The following MYO5B variants were observed in gnomAD, a reference collection of about 807,000 sequenced individuals.
The protein encoded by MYO5B is myosin VB.
MYO5B carries 143 observed loss-of-function variants against 229.3 expected under a neutral mutation model. That is an observed-to-expected ratio of 0.62 (90% CI 0.54 to 0.72). The LOEUF (loss-of-function observed/expected upper bound fraction) is 0.72, where lower values mean the gene tolerates loss of function less well. Ranked by LOEUF, MYO5B falls within the 30% of genes least tolerant of loss-of-function variation. The pLI, the probability that MYO5B is intolerant of heterozygous loss-of-function variation, is 0.00. For synonymous variants in MYO5B, 918 were observed against 885.2 expected (o/e 1.04, Z -0.66); for missense variants, 2,321 against 2,331.0 (o/e 1.00, Z 0.09).
intron 1 of MYO5B, among the ~76,000 whole-genome samples, chr18:50,089,147 A>G (rs889798920): frequency 1.3e-5 from 2 of 152,176 alleles, no homozygotes; most frequent in Admixed American, 6.5e-5. Flanking sequence ...TGGGAGACCA[A>G]GGTGGACAGA....
chr18:50,122,526 C>G (rs9963945), intron 1 of MYO5B, among the ~76,000 whole-genome samples: 137,468 of 140,894 alleles, frequency 0.98, 67,180 homozygotes, highest in East Asian at 1. Flanking sequence ...CAGGAGAATC[C>G]CTTAAACCTG....
intron 39 of MYO5B, among the ~76,000 whole-genome samples, chr18:49,830,474 G>GT (rs1043831241): frequency 1.5e-4 from 23 of 151,970 alleles, no homozygotes; most frequent in Non-Finnish European, 2.8e-4. Context: ...TCCCAATGAC[G>GT]TTTTTTGCAG....
intron 7 of MYO5B, among the ~76,000 whole-genome samples, chr18:49,986,703 T>C (rs2025874180): frequency 6.6e-6 from 1 of 152,226 alleles, no homozygotes; most frequent in Non-Finnish European, 1.5e-5. Flanking sequence ...AAAGGCTTAA[T>C]AAAAGTACCA....
At chr18:49,870,478 C>T (rs2024444673) in intron 27 of MYO5B, among the ~76,000 whole-genome samples, 1 of 152,128 alleles carries the variant, frequency 6.6e-6, no homozygotes, top group South Asian at 2.1e-4. Flanking sequence ...AAGACACTAT[C>T]AGAATAAAAA....
intron 1 of MYO5B, among the ~76,000 whole-genome samples, chr18:50,193,354 T>C (rs903608827): frequency 2.6e-5 from 4 of 152,348 alleles, no homozygotes; most frequent in Admixed American, 2.6e-4. Context: ...AAGCTGTATT[T>C]GAGGCTGCTG....
rs141828529 is a variant in MYO5B at position 50,147,924 on chromosome 18, G to T, written c.27+46843C>A. Among the ~76,000 whole-genome samples the T allele has an allele frequency of 4.4e-3, 665 of 152,062 alleles. 7 individuals carry two copies. Among genetic ancestry groups the T allele is most frequent in the African/African-American group, 0.015 (625 of 41,432 alleles). ...TGTGAAAAATGGGGCAGTGGAAATT[G>T]ATAGACCACTAGCAAGACTAATAAA... On this transcript the variant is annotated intron_variant, in intron 1 of 39. Coordinates refer to ENST00000285039, the MANE Select transcript of MYO5B (RefSeq NM_001080467.3).
intron 1 of MYO5B, among the ~76,000 whole-genome samples, chr18:50,185,619 G>A (rs1056582910): frequency 1.3e-5 from 2 of 152,094 alleles, no homozygotes; most frequent in African/African-American, 4.8e-5. Context: ...CATTGTATAC[G>A]TGTATTAAAA....
chr18:50,011,501 G>T (rs958582424), intron 4 of MYO5B, among the ~76,000 whole-genome samples: 1 of 152,076 alleles, frequency 6.6e-6, no homozygotes. Context: ...GTGCACAGGC[G>T]CTCCAAGGCC....
chr18:49,906,257 T>A (rs765233387), intron 19 of MYO5B, among the ~76,000 whole-genome samples, 162 bp downstream of exon 19: 41 of 152,060 alleles, frequency 2.7e-4, no homozygotes, highest in Non-Finnish European at 4.4e-5. Context: ...GCATTGATTA[T>A]AGGGATAGGC....
At chr18:50,192,509 A>T (rs921123728) in intron 1 of MYO5B, among the ~76,000 whole-genome samples, 2 of 152,210 alleles carry the variant, frequency 1.3e-5, no homozygotes, top group Non-Finnish European at 2.9e-5. Context: ...TAGAAGGCCA[A>T]ATGATGAAGA....
intron 1 of MYO5B, among the ~76,000 whole-genome samples, chr18:50,117,867 G>C (rs1393676330): frequency 1.3e-5 from 2 of 152,090 alleles, no homozygotes; most frequent in African/African-American, 4.8e-5. Context: ...CCATGCTTGG[G>C]TCCAGGGGCT....
At chr18:50,027,425 G>A (rs2026343102) in intron 4 of MYO5B, among the ~76,000 whole-genome samples, 1 of 152,146 alleles carries the variant, frequency 6.6e-6, no homozygotes, top group Admixed American at 6.5e-5. Flanking sequence ...GTGACCTGAG[G>A]AAACAAGTGC....
chr18:50,138,823 T>C (rs1440563825), intron 1 of MYO5B, among the ~76,000 whole-genome samples: 4 of 152,286 alleles, frequency 2.6e-5, no homozygotes, highest in African/African-American at 9.6e-5. Flanking sequence ...TGTATTTGCT[T>C]AAGTACCAGA....
rs139887323 is a variant in MYO5B, at chr18:50,170,592, C to T, written c.27+24175G>A. Among the ~76,000 whole-genome samples, 12 of 126,748 alleles carry T rather than the reference C, an allele frequency of 9.5e-5. 3 individuals are homozygous for T. The East Asian group carries it at 1.8e-3, about 19-fold the overall frequency. The allele number at this position is 126,748 out of a possible 152,430, so 83.2% of individuals were successfully genotyped here. ...CCACTATTTTGCTTTCTTCTCACTC[C>T]GAACAGTACTGTGGGGTGACTCCAG... On this transcript the variant is annotated intron_variant, in intron 1 of 39. Transcript: ENST00000285039.
intron 18 of MYO5B, among the ~76,000 whole-genome samples, chr18:49,909,421 T>C (rs994306907): frequency 6.6e-6 from 1 of 152,214 alleles, no homozygotes; most frequent in Admixed American, 6.5e-5. Flanking sequence ...GGGCAATTTA[T>C]ATCAGCTTTC....
intron 1 of MYO5B, among the ~76,000 whole-genome samples, chr18:50,151,985 T>A (rs1004594533): frequency 6.6e-6 from 1 of 152,192 alleles, no homozygotes; most frequent in African/African-American, 2.4e-5. Context: ...CCCGTTCAGA[T>A]CCTTCCTTGA....
chr18:49,993,823 A>T (rs2025957910), intron 5 of MYO5B, among the ~76,000 whole-genome samples: 1 of 152,178 alleles, frequency 6.6e-6, no homozygotes. Flanking sequence ...TCTAGAATGT[A>T]AACCTATTAT....
intron 33 of MYO5B, among the ~76,000 whole-genome samples, chr18:49,846,172 C>T: frequency 6.6e-6 from 1 of 152,200 alleles, no homozygotes; most frequent in East Asian, 1.9e-4. Flanking sequence ...AAAGCCAACC[C>T]TGATGAACTT....
At chr18:50,097,122 CCTAT>C in intron 1 of MYO5B, 2 of 425,586 alleles carry the variant, frequency 4.7e-6, no homozygotes, top group Non-Finnish European at 9.7e-6. Context: ...TCCTTCCTCC[CCTAT>C]CTTTCTTCTC....
Sources: allele counts gnomAD v4.1 joint callset (sites outside exome capture counted in the v4.1 genomes callset), GRCh38; gene constraint gnomAD v4.1.1; transcripts MANE v1.5; gene names NCBI Gene and HGNC (gene_info 2026-07-23, HGNC 2026-07-21).